The following CCND3 variants were observed in gnomAD, a reference collection of about 807,000 sequenced individuals.
CCND3 encodes cyclin D3.
Under a neutral mutation model 28.7 loss-of-function variants are expected in CCND3, and 9 were observed. That is an observed-to-expected ratio of 0.31 (90% CI 0.19 to 0.55). CCND3 has a LOEUF of 0.55. CCND3 is among the 20% of genes least tolerant of loss of function. The probability of loss-of-function intolerance (pLI) is 0.93; values close to 1 mark genes in which losing one functional copy is unlikely to be tolerated. For synonymous variants in CCND3, 164 were observed against 163.9 expected, an observed-to-expected ratio of 1.00 and a Z score of 0.00; for missense variants, 315 against 385.8, an observed-to-expected ratio of 0.82 and a Z score of 1.54.
chr6:42,036,306 T>TTATATA (rs566638387), intron 1 of CCND3, among the ~76,000 whole-genome samples: 3 of 130,678 alleles, frequency 2.3e-5, no homozygotes, highest in South Asian at 2.4e-4. Context: ...AAATTATTAT[T>TTATATA]TATATATATA....
chr6:41,984,845 C>T (rs1029302197), intron 1 of CCND3, among the ~76,000 whole-genome samples: 1 of 152,158 alleles, frequency 6.6e-6, no homozygotes, highest in Non-Finnish European at 1.5e-5. Flanking sequence ...TGTTAATTTG[C>T]ATTTCTCTGA....
intron 1 of CCND3, among the ~76,000 whole-genome samples, chr6:41,951,026 G>A (rs1582099719): frequency 1.3e-5 from 2 of 152,012 alleles, no homozygotes; most frequent in Middle Eastern, 6.8e-3. Context: ...ACCCTTTTAA[G>A]CTTCCAGTCT....
At chr6:42,040,644 G>C (rs1017861959) in intron 1 of CCND3, among the ~76,000 whole-genome samples, 1 of 152,028 alleles carries the variant, frequency 6.6e-6, no homozygotes, top group African/African-American at 2.4e-5. Flanking sequence ...ACAAGGTCAG[G>C]AGTTCCAGAC....
chr6:42,024,615 G>T (rs753791197), intron 1 of CCND3, among the ~76,000 whole-genome samples: 14 of 152,022 alleles, frequency 9.2e-5, no homozygotes, highest in Admixed American at 6.6e-5. Context: ...CGAGGCTGGG[G>T]CCACTCAGAA....
chr6:41,956,757 G>A (rs1366459104), intron 1 of CCND3, among the ~76,000 whole-genome samples: 1 of 152,068 alleles, frequency 6.6e-6, no homozygotes, highest in Non-Finnish European at 1.5e-5. Flanking sequence ...GGCCAGGCGC[G>A]GTGGCTCAAG....
chr6:41,979,256 G>A (rs1018669058), intron 1 of CCND3, among the ~76,000 whole-genome samples: 8 of 151,238 alleles, frequency 5.3e-5, no homozygotes, highest in East Asian at 3.9e-4. Context: ...AATAACGGCC[G>A]GGCACAGTGG....
chr6:41,971,419 T>C (rs1762029318), intron 1 of CCND3, among the ~76,000 whole-genome samples: 1 of 151,986 alleles, frequency 6.6e-6, no homozygotes, highest in Non-Finnish European at 1.5e-5. Flanking sequence ...TACCTGCCAC[T>C]GAGCCTGGCT....
At chr6:42,035,980 AATT>A (rs1002405674) in intron 1 of CCND3, among the ~76,000 whole-genome samples, 3 of 150,644 alleles carry the variant, frequency 2.0e-5, no homozygotes, top group African/African-American at 4.9e-5. Context: ...CCGGCCTAAA[AATT>A]ATTATTATTA....
At chr6:41,997,281 T>C (rs1762836968) in intron 1 of CCND3, among the ~76,000 whole-genome samples, 1 of 152,198 alleles carries the variant, frequency 6.6e-6, no homozygotes, top group African/African-American at 2.4e-5. Flanking sequence ...CTTTGCACTG[T>C]CTCCAGTTAG....
In CCND3 at chr6:41,940,601, C is replaced by A. The variant is rs763192469; in HGVS notation, c.199-16G>T. 1.4e-5 allele frequency: 22 copies of A among 1,595,192 alleles called. No homozygotes were observed. In the South Asian group the frequency reaches 2.3e-4, roughly 17 times the overall value. ...CCTCACATACCTGGGGGAGGGCGCA[C>A]AGTCACTGCTGGGTCTGGAGCGTGG... On this transcript the variant is annotated splice_polypyrimidine_tract_variant and intron_variant, in intron 1 of 4. Coordinates refer to ENST00000372991, the MANE Select transcript of CCND3 (RefSeq NM_001760.5).
At chr6:41,998,495 C>T (rs1393032328) in intron 1 of CCND3, among the ~76,000 whole-genome samples, 17 of 147,840 alleles carry the variant, frequency 1.1e-4, no homozygotes, top group East Asian at 8.4e-4. Flanking sequence ...ATTACAGGTG[C>T]CAACCACCAC....
intron 1 of CCND3, among the ~76,000 whole-genome samples, chr6:41,970,471 AT>A (rs879920248): frequency 1.3e-5 from 2 of 152,258 alleles, no homozygotes; most frequent in African/African-American, 2.4e-5. Flanking sequence ...GGCCATCTTA[AT>A]AAGCCTGTGG....
At chr6:41,948,565 G>A (rs187473396) in intron 1 of CCND3, among the ~76,000 whole-genome samples, 118 of 152,118 alleles carry the variant, frequency 7.8e-4, no homozygotes, top group Admixed American at 1.4e-3. Context: ...CAGGCTGGGC[G>A]CGGTGGCTCA....
chr6:41,998,737 T>C (rs1762892717), intron 1 of CCND3, among the ~76,000 whole-genome samples: 1 of 151,846 alleles, frequency 6.6e-6, no homozygotes, highest in Non-Finnish European at 1.5e-5. Context: ...TGGGGTGCAA[T>C]GGTGCGATCT....
At chr6:41,952,074 G>A (rs1776332386) in intron 1 of CCND3, among the ~76,000 whole-genome samples, 1 of 152,108 alleles carries the variant, frequency 6.6e-6, no homozygotes, top group African/African-American at 2.4e-5. Flanking sequence ...GATCCCACTT[G>A]TTAAGTGCTT....
intron 1 of CCND3, among the ~76,000 whole-genome samples, chr6:42,026,357 AG>A: frequency 6.6e-6 from 1 of 151,960 alleles, no homozygotes; most frequent in Non-Finnish European, 1.5e-5. Context: ...TCCTGGAAGA[AG>A]GGCTCCATGA....
intron 1 of CCND3, among the ~76,000 whole-genome samples, chr6:42,013,807 C>T (rs898655909): frequency 2.0e-5 from 3 of 152,144 alleles, no homozygotes; most frequent in Non-Finnish European, 4.4e-5. Flanking sequence ...GGCGTGGTGG[C>T]TCACACCTGT....
At chr6:42,042,052 GA>G (rs1764384403) in intron 1 of CCND3, among the ~76,000 whole-genome samples, 1 of 152,222 alleles carries the variant, frequency 6.6e-6, no homozygotes, top group South Asian at 2.1e-4. Context: ...GAGTTTCTGG[GA>G]CAGCCCCAGC....
At chr6:41,958,222 C>G (rs1776487974) in intron 1 of CCND3, among the ~76,000 whole-genome samples, 1 of 151,978 alleles carries the variant, frequency 6.6e-6, no homozygotes, top group African/African-American at 2.4e-5. Context: ...GTCTTGAACT[C>G]CTGACTCCAA....
Sources: gnomAD v4.1 joint callset for allele counts (sites outside exome capture counted in the v4.1 genomes callset) on GRCh38, gnomAD v4.1.1 for gene constraint, MANE v1.5 for transcripts, NCBI Gene and HGNC (gene_info 2026-07-23, HGNC 2026-07-21) for gene names.